The following NEMP2 variants were observed in gnomAD, a reference collection of about 807,000 sequenced individuals.
NEMP2 encodes the protein nuclear envelope integral membrane protein 2, also known as UPF0571 transmembrane protein.
NEMP2 carries 53 observed loss-of-function variants against 54.2 expected under a neutral mutation model. The observed-to-expected ratio is 0.98, with a 90% CI of 0.78 to 1.23. NEMP2 has a LOEUF of 1.23. NEMP2 is among the 50% of genes most tolerant of loss of function. NEMP2 has a pLI of 0.00. For synonymous variants in NEMP2, 197 were observed against 190.3 expected (o/e 1.04, Z -0.29); for missense variants, 455 against 511.3 (o/e 0.89, Z 1.06).
rs1406261002 is a variant in NEMP2 at position 190,531,251 on chromosome 2, T to C, written c.97+3308A>G. On this transcript the variant is annotated intron_variant, in intron 1 of 8. Coordinates refer to ENST00000409150, the MANE Select transcript of NEMP2 (RefSeq NM_001142645.2). The surrounding 1 kb of genome is among the most constrained non-coding windows in gnomAD (Gnocchi z 4.7). ...TGTCCGTACCCTGGAAGGTGCTCCA[T>C]AACCTAGGTAATCACTTCCTCAAGC... Among the ~76,000 whole-genome samples the C allele has an allele frequency of 6.6e-6, 1 of 152,202 alleles. No homozygotes were observed. Among genetic ancestry groups the C allele is most frequent in the East Asian group, 1.9e-4 (1 of 5,204 alleles).
At chr2:190,541,588 T>G in the NEMP2 span, among the ~76,000 whole-genome samples, 1 of 152,234 alleles carries the variant, frequency 6.6e-6, no homozygotes, top group African/African-American at 2.4e-5. This position sits in a 1 kb window ranked among gnomAD's most constrained non-coding sequence, Gnocchi z 5.2. Context: ...GATATGTCTT[T>G]TGGGCTTCAT....
At chr2:190,500,316 C>A, downstream of NEMP2, 2 of 1,231,234 alleles carry the variant, frequency 1.6e-6, no homozygotes, top group Non-Finnish European at 2.3e-6. This position sits in a 1 kb window ranked among gnomAD's most constrained non-coding sequence, Gnocchi z 5.3. Context: ...CCTGGAGGAG[C>A]ACAGCACTGC....
At chr2:190,573,288 T>C in the NEMP2 span, among the ~76,000 whole-genome samples, 1 of 152,210 alleles carries the variant, frequency 6.6e-6, no homozygotes, top group South Asian at 2.1e-4. Flanking sequence ...ATTAAGGCTG[T>C]TGACAAATAC....
the NEMP2 span, among the ~76,000 whole-genome samples, chr2:190,558,952 C>T: frequency 6.6e-6 from 1 of 152,098 alleles, no homozygotes; most frequent in East Asian, 1.9e-4. This position sits in a 1 kb window ranked among gnomAD's most constrained non-coding sequence, Gnocchi z 4.4. Flanking sequence ...TTTTTACCCT[C>T]GCATTTTCCA....
At chr2:190,518,436 T>C (rs139336090) in intron 4 of NEMP2, among the ~76,000 whole-genome samples, 1 of 152,298 alleles carries the variant, frequency 6.6e-6, no homozygotes, top group African/African-American at 2.4e-5. Context: ...ATGAAGGATG[T>C]TGCTTTTCTC....
At position 190,507,466 on chromosome 2, in the gene NEMP2, G is replaced by A. The variant is rs535039271; in HGVS notation, c.*1723C>T. 6.6e-6 allele frequency: 1 copy of A among 152,162 alleles called. No individual in the cohort carries two copies. The highest frequency in any genetic ancestry group is 2.1e-4 in the South Asian group (1 of 4,820). The allele number at this position is 152,162 out of a possible 1,614,324, so 9.4% of individuals were successfully genotyped here. Reference sequence around the variant, plus strand: ...TTAGGAGACGAACTTGGTGAGCACAGGCACTGATACATCTGATACATTTAT... The same window carrying A: ...TTAGGAGACGAACTTGGTGAGCACAAGCACTGATACATCTGATACATTTAT... On this transcript the variant is annotated 3_prime_UTR_variant, in exon 9 of 9. Transcript: ENST00000409150. The surrounding 1 kb of genome is among the most constrained non-coding windows in gnomAD (Gnocchi z 4.4).
chr2:190,646,875 C>T, the NEMP2 span: 2 of 152,166 alleles, frequency 1.3e-5, no homozygotes, highest in Non-Finnish European at 2.9e-5. Context: ...CCACTCATTT[C>T]GTGACTCATG....
At chr2:190,540,514 C>T in the NEMP2 span, among the ~76,000 whole-genome samples, 6 of 152,154 alleles carry the variant, frequency 3.9e-5, no homozygotes, top group Non-Finnish European at 8.8e-5. Context: ...CCTTGAGTTA[C>T]TCCTGTGCTC....
the NEMP2 span, among the ~76,000 whole-genome samples, chr2:190,632,168 G>A: frequency 6.6e-6 from 1 of 152,232 alleles, no homozygotes; most frequent in South Asian, 2.1e-4. This position sits in a 1 kb window ranked among gnomAD's most constrained non-coding sequence, Gnocchi z 4.8. Flanking sequence ...AGGGAAGTGG[G>A]AAGCTTGACC....
chr2:190,557,058 C>G, the NEMP2 span, among the ~76,000 whole-genome samples: 1 of 152,150 alleles, frequency 6.6e-6, no homozygotes, highest in East Asian at 1.9e-4. Flanking sequence ...AGGCATCATG[C>G]TACCTGTCTT....
Position 190,510,663 on chromosome 2 carries a change from C to T in NEMP2, c.954-126G>A, listed in dbSNP as rs1019089542. The T allele has an allele frequency of 1.0e-5, 9 of 858,916 alleles. No homozygotes were observed. Among genetic ancestry groups the T allele is most frequent in the South Asian group, 8.2e-5 (5 of 60,952 alleles). 53.2% of individuals were successfully genotyped at this position (858,916 alleles called of 1,614,324 possible). A position where few individuals can be genotyped will look rare whatever the true frequency, so the allele number is the denominator to read the frequency against. Reference sequence around the variant, plus strand: ...TTGGGAGGCCTGGGGAGGCGGATCACGAGGTCAGGAGATTGAGACGGTCCT... The same window carrying T: ...TTGGGAGGCCTGGGGAGGCGGATCATGAGGTCAGGAGATTGAGACGGTCCT... On this transcript the variant is annotated intron_variant, in intron 7 of 8. Transcript: ENST00000409150. The surrounding 1 kb of genome is among the most constrained non-coding windows in gnomAD (Gnocchi z 5.7).
the NEMP2 span, chr2:190,620,310 C>G: frequency 2.0e-5 from 3 of 152,130 alleles, no homozygotes; most frequent in Admixed American, 6.5e-5. This position sits in a 1 kb window ranked among gnomAD's most constrained non-coding sequence, Gnocchi z 4.9. Flanking sequence ...TTATATTTAC[C>G]TACCCCAATC....
At chr2:190,561,430 T>A in the NEMP2 span, among the ~76,000 whole-genome samples, 1 of 152,124 alleles carries the variant, frequency 6.6e-6, no homozygotes, top group Non-Finnish European at 1.5e-5. This position sits in a 1 kb window ranked among gnomAD's most constrained non-coding sequence, Gnocchi z 5.4. Context: ...TGTCAGCAGG[T>A]TTTTCTTCTG....
At chr2:190,524,652 ACAT>A (rs1690869156) in intron 2 of NEMP2, among the ~76,000 whole-genome samples, 1 of 152,080 alleles carries the variant, frequency 6.6e-6, no homozygotes, top group Non-Finnish European at 1.5e-5. Flanking sequence ...ATATTACTCT[ACAT>A]TTTCTTTTTT....
intron 1 of NEMP2, chr2:190,534,311 T>G: frequency 8.4e-7 from 1 of 1,184,634 alleles, no homozygotes; most frequent in Non-Finnish European, 1.0e-6. Context: ...ATTGGGCGAC[T>G]GGATCGCGCG....
At chr2:190,589,725 G>A in the NEMP2 span, among the ~76,000 whole-genome samples, 19 of 152,260 alleles carry the variant, frequency 1.2e-4, no homozygotes, top group East Asian at 2.9e-3. This position sits in a 1 kb window ranked among gnomAD's most constrained non-coding sequence, Gnocchi z 4.3. Context: ...CCACTCCATG[G>A]ACAGAACTCA....
chr2:190,568,545 G>A, the NEMP2 span, among the ~76,000 whole-genome samples: 51 of 152,132 alleles, frequency 3.4e-4, no homozygotes, highest in African/African-American at 9.6e-4. This position sits in a 1 kb window ranked among gnomAD's most constrained non-coding sequence, Gnocchi z 4.7. Context: ...ATTATCGGCC[G>A]GGCACAGTGG....
At chr2:190,540,205 G>A in the NEMP2 span, among the ~76,000 whole-genome samples, 193 of 152,092 alleles carry the variant, frequency 1.3e-3, no homozygotes, top group Non-Finnish European at 2.2e-3. Context: ...TTCTGTTAAT[G>A]TGATGTATCA....
At chr2:190,470,865 G>A in the NEMP2 span, among the ~76,000 whole-genome samples, 1 of 151,800 alleles carries the variant, frequency 6.6e-6, no homozygotes, top group East Asian at 1.9e-4. Context: ...ATTGAAAGGA[G>A]ATATAATTTA....
Sources: allele counts gnomAD v4.1 joint callset (sites outside exome capture counted in the v4.1 genomes callset), GRCh38; gene constraint gnomAD v4.1.1; non-coding constraint Gnocchi (gnomAD v3.1); transcripts MANE v1.5; gene names NCBI Gene and HGNC (gene_info 2026-07-23, HGNC 2026-07-21).